The following SH3PXD2B variants were observed in gnomAD, a reference collection of about 807,000 sequenced individuals.
The protein encoded by SH3PXD2B is SH3 and PX domains 2B.
In SH3PXD2B, 37 loss-of-function variants were observed where a neutral mutation model predicts 73.1. The observed-to-expected ratio is 0.51, with a 90% CI of 0.39 to 0.67. The LOEUF is 0.67. Ranked by LOEUF, SH3PXD2B falls within the 30% of genes least tolerant of loss-of-function variation. SH3PXD2B has a pLI of 0.00. For synonymous variants in SH3PXD2B, 457 were observed against 480.5 expected, an observed-to-expected ratio of 0.95 and a Z score of 0.64; for missense variants, 1,053 against 1,197.8, an observed-to-expected ratio of 0.88 and a Z score of 1.78.
At chr5:172,371,162 T>C (rs1757695304) in intron 6 of SH3PXD2B, among the ~76,000 whole-genome samples, 1 of 152,230 alleles carries the variant, frequency 6.6e-6, no homozygotes. Flanking sequence ...ATGTCTTGAA[T>C]TTTTAAGATG....
At chr5:172,332,256 C>T (rs200613330), downstream of SH3PXD2B, among the ~76,000 whole-genome samples, 283 of 142,992 alleles carry the variant, frequency 2.0e-3, 25 homozygotes, top group East Asian at 2.7e-3. Flanking sequence ...TTTTTCCTTC[C>T]TTTTTTTTTT....
intron 3 of SH3PXD2B, among the ~76,000 whole-genome samples, chr5:172,397,884 C>T (rs946326174): frequency 6.6e-6 from 1 of 152,198 alleles, no homozygotes; most frequent in Non-Finnish European, 1.5e-5. Context: ...ATTACTAAAC[C>T]CCTCCCAGTT....
At chr5:172,368,486 TATATATATATTATATATATATATATAA>T (rs1757583812) in intron 6 of SH3PXD2B, among the ~76,000 whole-genome samples, 2 of 11,788 alleles carry the variant, frequency 1.7e-4, no homozygotes, top group Non-Finnish European at 2.5e-4. Context: ...ATATATAAAA[TATATATATATTATATATATATATATAA>T]AATATATATA....
chr5:172,408,526 G>A (rs1758615085), intron 2 of SH3PXD2B, among the ~76,000 whole-genome samples: 1 of 135,738 alleles, frequency 7.4e-6, no homozygotes, highest in Non-Finnish European at 1.5e-5. Flanking sequence ...GTGTGCTTTG[G>A]GTTATCACTT....
intron 1 of SH3PXD2B, among the ~76,000 whole-genome samples, chr5:172,447,914 T>A (rs1759709767): frequency 6.6e-6 from 1 of 152,142 alleles, no homozygotes; most frequent in Non-Finnish European, 1.5e-5. Flanking sequence ...TGGGGGAGCA[T>A]GGTTGACCAG....
At chr5:172,439,731 C>G (rs532299656) in intron 1 of SH3PXD2B, among the ~76,000 whole-genome samples, 50 of 148,924 alleles carry the variant, frequency 3.4e-4, no homozygotes, top group Admixed American at 1.3e-3. Context: ...CACACACACA[C>G]AGCTGCCCAC....
intron 2 of SH3PXD2B, among the ~76,000 whole-genome samples, chr5:172,411,670 T>C (rs1022316756): frequency 1.3e-5 from 2 of 152,180 alleles, no homozygotes; most frequent in African/African-American, 4.8e-5. Context: ...ATGAGTGCTA[T>C]GTGGAAACTC....
chr5:172,439,690 GCGCACACACACACACACA>G (rs1759503900), intron 1 of SH3PXD2B, among the ~76,000 whole-genome samples: 35 of 113,166 alleles, frequency 3.1e-4, no homozygotes, highest in African/African-American at 9.1e-4. Flanking sequence ...GCGCACGCGC[GCGCACACACACACACACA>G]CACACACACA....
At chr5:172,411,630 C>CG (rs1758699896) in intron 2 of SH3PXD2B, among the ~76,000 whole-genome samples, 1 of 152,166 alleles carries the variant, frequency 6.6e-6, no homozygotes, top group South Asian at 2.1e-4. Context: ...GGATGAGGGA[C>CG]GCAGCCTGCT....
intron 2 of SH3PXD2B, among the ~76,000 whole-genome samples, chr5:172,408,031 T>C (rs574218892): frequency 8.8e-4 from 134 of 152,302 alleles, no homozygotes; most frequent in African/African-American, 3.1e-3. Flanking sequence ...CCGGCCTCTT[T>C]GGTGCTGTTC....
chr5:172,355,077 G>A (rs1409557427), intron 8 of SH3PXD2B, among the ~76,000 whole-genome samples: 2 of 152,236 alleles, frequency 1.3e-5, no homozygotes, highest in Non-Finnish European at 1.5e-5. Context: ...AAGGAGAGGA[G>A]AGGGCTCTCC....
intron 1 of SH3PXD2B, 51 bp from the exon 2 acceptor site, chr5:172,422,547 A>G: frequency 6.5e-7 from 1 of 1,536,870 alleles, no homozygotes; most frequent in Non-Finnish European, 8.9e-7. Context: ...GTGGTCTCCC[A>G]ATCTCTGGGA....
At chr5:172,383,848 CT>C (rs1758000267) in intron 4 of SH3PXD2B, among the ~76,000 whole-genome samples, 1 of 148,230 alleles carries the variant, frequency 6.7e-6, no homozygotes, top group Non-Finnish European at 1.5e-5. Context: ...TCCTTTCTTT[CT>C]TTCTTTTTTT....
intron 6 of SH3PXD2B, among the ~76,000 whole-genome samples, chr5:172,368,596 T>TTATATATATATAATATATATGTTA (rs560505606): frequency 9.2e-5 from 1 of 10,830 alleles, no homozygotes; most frequent in African/African-American, 7.2e-4. Flanking sequence ...ATAAAATATG[T>TTATATATATATAATATATATGTTA]TATATATATA....
At chr5:172,362,661 G>C in intron 7 of SH3PXD2B, 74 bp downstream of exon 7, 1 of 1,610,152 alleles carries the variant, frequency 6.2e-7, no homozygotes, top group Non-Finnish European at 8.5e-7. Flanking sequence ...TTCAGTTTCT[G>C]AGTTTCCAAA....
intron 1 of SH3PXD2B, among the ~76,000 whole-genome samples, chr5:172,440,184 G>A (rs1759522601): frequency 6.6e-6 from 1 of 152,230 alleles, no homozygotes. Context: ...TGTCCAGAGT[G>A]AATGGAGCCG....
Position 172,335,382 on chromosome 5 carries a change from C to A in SH3PXD2B, c.*2987G>T. 2.5e-6 allele frequency: 3 copies of A among 1,222,596 alleles called. No individual in the cohort carries two copies. Among genetic ancestry groups the A allele is most frequent in the Non-Finnish European group, 3.1e-6 (3 of 982,668 alleles). The allele number at this position is 1,222,596 out of a possible 1,614,324, so 75.7% of individuals were successfully genotyped here. On this transcript the variant is annotated 3_prime_UTR_variant, in exon 13 of 13. Transcript: ENST00000311601. ...TTCCCTGGAAGCCCTCCGCACACTT[C>A]CCTGCTAATGGCAGAGAAAAGTCAT... is the stretch of plus-strand genomic sequence containing the variant.
intron 1 of SH3PXD2B, among the ~76,000 whole-genome samples, chr5:172,432,755 T>C (rs930075636): frequency 4.6e-5 from 7 of 151,882 alleles, no homozygotes; most frequent in Non-Finnish European, 1.0e-4. Flanking sequence ...CTACTAATAA[T>C]ACAAAAATTA....
downstream of SH3PXD2B, among the ~76,000 whole-genome samples, chr5:172,332,798 G>A (rs933611595): frequency 6.6e-6 from 1 of 152,096 alleles, no homozygotes; most frequent in Non-Finnish European, 1.5e-5. Flanking sequence ...CACTGGGGTT[G>A]ATTTTGCTTG....
Sources: allele counts gnomAD v4.1 joint callset (sites outside exome capture counted in the v4.1 genomes callset), GRCh38; gene constraint gnomAD v4.1.1; transcripts MANE v1.5; gene names NCBI Gene and HGNC (gene_info 2026-07-23, HGNC 2026-07-21).